TGM6: variants seen among roughly 807,000 people sequenced by gnomAD.
The protein encoded by TGM6 is protein-glutamine gamma-glutamyltransferase 6.
Under a neutral mutation model 77.5 loss-of-function variants are expected in TGM6, and 74 were observed. The ratio of observed to expected loss-of-function variants is 0.96; its 90% confidence interval spans 0.79 to 1.16. TGM6 has a LOEUF of 1.16. TGM6 is among the 50% of genes most tolerant of loss of function. The pLI is 0.00. For missense variants in TGM6, 968 were observed against 940.2 expected (o/e 1.03, Z -0.39); for synonymous variants, 383 against 378.9 (o/e 1.01, Z -0.12).
chr20:2,431,194 A>G (rs2084922095), intron 12 of TGM6, among the ~76,000 whole-genome samples, 167 bp downstream of exon 12: 1 of 152,128 alleles, frequency 6.6e-6, no homozygotes, highest in Non-Finnish European at 1.5e-5. Flanking sequence ...TCCTTCATTC[A>G]TCCAATCATT....
intron 9 of TGM6, among the ~76,000 whole-genome samples, chr20:2,411,455 A>G (rs1033658457): frequency 1.2e-3 from 139 of 116,432 alleles, no homozygotes; most frequent in African/African-American, 6.4e-3. Flanking sequence ...CCCCTTTATG[A>G]TAAAAAAAAA....
chr20:2,400,401 T>G lies in TGM6; in HGVS notation c.946T>G (p.Ser316Ala). ...QNLSVDKYVD[S>A]FGRTLEDLTE... ...CCTGAGTGTGGACAAATACGTGGAC[T>G]CCTTCGGGCGGACCCTGGAGGACCT... The change falls in exon 7 of 13, where the codon TCC (serine) becomes GCC (alanine). Residue 316 changes from serine to alanine, a missense_variant. By Grantham distance (99) the Ser-to-Ala change is moderately conservative. Transcript: ENST00000202625. The G allele has an allele frequency of 1.2e-6, 2 of 1,614,152 alleles. No homozygotes were observed. Among genetic ancestry groups the G allele is most frequent in the Non-Finnish European group, 1.7e-6 (2 of 1,180,038 alleles).
intron 1 of TGM6, among the ~76,000 whole-genome samples, chr20:2,383,138 T>C (rs1193511685): frequency 6.6e-6 from 1 of 152,178 alleles, no homozygotes; most frequent in African/African-American, 2.4e-5. Context: ...ATAAATCATT[T>C]AGTCATGGAG....
At chr20:2,399,959 T>C (rs1000665677) in intron 6 of TGM6, among the ~76,000 whole-genome samples, 3 of 152,198 alleles carry the variant, frequency 2.0e-5, no homozygotes, top group African/African-American at 7.2e-5. Flanking sequence ...CTCTCATTCA[T>C]TGAGTGCCTT....
At chr20:2,416,571 T>C (rs535797597) in intron 9 of TGM6, among the ~76,000 whole-genome samples, 8 of 152,288 alleles carry the variant, frequency 5.3e-5, no homozygotes, top group African/African-American at 1.7e-4. Context: ...AGGAAAAGGG[T>C]GGTAACTTCC....
intron 9 of TGM6, among the ~76,000 whole-genome samples, chr20:2,415,254 C>G (rs1393435907): frequency 6.6e-6 from 1 of 152,124 alleles, no homozygotes; most frequent in Non-Finnish European, 1.5e-5. Context: ...CAAGTGACCA[C>G]CAAGTGATCA....
chr20:2,405,740 C>A (rs969679951), intron 9 of TGM6, among the ~76,000 whole-genome samples: 1 of 152,158 alleles, frequency 6.6e-6, no homozygotes, highest in Non-Finnish European at 1.5e-5. Context: ...TGATTTTTGT[C>A]CCCAAGTTCT....
intron 1 of TGM6, among the ~76,000 whole-genome samples, chr20:2,392,467 C>A (rs1282387604): frequency 6.6e-6 from 1 of 152,220 alleles, no homozygotes; most frequent in African/African-American, 2.4e-5. Context: ...TATGTGGACT[C>A]ACCTACTTAG....
chr20:2,387,946 G>A (rs2084606791), intron 1 of TGM6, among the ~76,000 whole-genome samples: 1 of 152,152 alleles, frequency 6.6e-6, no homozygotes, highest in Non-Finnish European at 1.5e-5. Context: ...TCGTCTCCAG[G>A]TGAGATTCTC....
chr20:2,395,154 C>T (rs762604006), intron 2 of TGM6, 40 bp from the exon 3 acceptor site: 1 of 1,605,488 alleles, frequency 6.2e-7, no homozygotes, highest in Admixed American at 1.7e-5. Context: ...GCTGGGTTTC[C>T]CAGGGGAAGG....
rs769606752 is a variant in TGM6, at chr20:2,403,479, A to G, written c.1072A>G (p.Thr358Ala). The change falls in exon 8 of 13, where the codon ACC becomes GCC. Residue 358 changes from threonine to alanine, a missense_variant. Thr to Ala is a moderately conservative substitution (Grantham distance 58). Transcript: ENST00000202625. ...SYNGWQVLDATPQEESEGVFR... is the reference protein window; with the variant it reads ...SYNGWQVLDAAPQEESEGVFR... ...CAATGGCTGGCAGGTTCTGGATGCC[A>G]CCCCCCAGGAGGAGAGTGAAGGTAC... is the stretch of plus-strand genomic sequence containing the variant. The G allele has an allele frequency of 1.2e-6, 2 of 1,613,762 alleles. No homozygotes were observed. The highest frequency in any genetic ancestry group is 1.3e-5 in the African/African-American group (1 of 74,900).
At chr20:2,418,103 C>G (rs888722459) in intron 10 of TGM6, among the ~76,000 whole-genome samples, 1 of 152,030 alleles carries the variant, frequency 6.6e-6, no homozygotes, top group Admixed American at 6.6e-5. Context: ...ACCTCCACCT[C>G]CCGGGTTCAA....
chr20:2,431,174 A>G, intron 12 of TGM6, 147 bp downstream of exon 12: 1 of 934,628 alleles, frequency 1.1e-6, no homozygotes, highest in Non-Finnish European at 1.6e-6. Context: ...GCCTTCATTC[A>G]CTTATTTATT....
In TGM6 at chr20:2,399,693, G is replaced by A. The variant is rs2084692661; in HGVS notation, c.805G>A (p.Val269Ile). 6 of 1,613,918 alleles carry A rather than the reference G, an allele frequency of 3.7e-6. No homozygotes were observed. Among genetic ancestry groups the A allele is most frequent in the Admixed American group, 1.7e-5 (1 of 60,010 alleles). Residue 269 changes from valine (V) to isoleucine (I), a missense_variant, in exon 6 of 13, where the codon GTC (valine) becomes ATC (isoleucine). Val to Ile is a conservative substitution (Grantham distance 29). Transcript: ENST00000202625. ...QKWLKGRYKP[V>I]KYGQCWVFAG... Reference sequence around the variant, plus strand: ...GTGGCTCAAGGGCAGGTACAAGCCAGTCAAGTACGGCCAGTGCTGGGTCTT... The same window carrying A: ...GTGGCTCAAGGGCAGGTACAAGCCAATCAAGTACGGCCAGTGCTGGGTCTT...
At chr20:2,406,051 C>G (rs1878099139) in intron 9 of TGM6, among the ~76,000 whole-genome samples, 1 of 152,184 alleles carries the variant, frequency 6.6e-6, no homozygotes, top group South Asian at 2.1e-4. Context: ...AACACTGATT[C>G]TTTTAAACAC....
chr20:2,383,432 CT>C (rs2084569521), intron 1 of TGM6, among the ~76,000 whole-genome samples: 1 of 152,138 alleles, frequency 6.6e-6, no homozygotes, highest in Admixed American at 6.5e-5. Context: ...CCTTCCCTTT[CT>C]TAGGTGGAGC....
intron 9 of TGM6, among the ~76,000 whole-genome samples, chr20:2,404,507 C>T (rs544088739): frequency 6.6e-6 from 1 of 152,150 alleles, no homozygotes; most frequent in Non-Finnish European, 1.5e-5. Context: ...TAGACCCTGT[C>T]TCCTCCTGTC....
intron 7 of TGM6, among the ~76,000 whole-genome samples, chr20:2,401,173 G>C (rs76995236): frequency 1.3e-5 from 2 of 150,678 alleles, no homozygotes; most frequent in Non-Finnish European, 2.9e-5. Context: ...ATGCCACTGC[G>C]CTCCAGCCTG....
chr20:2,390,212 G>A (rs2084621451), intron 1 of TGM6, among the ~76,000 whole-genome samples: 1 of 152,158 alleles, frequency 6.6e-6, no homozygotes. Flanking sequence ...GGTGGTCTTT[G>A]GGTAGAGAGC....
Sources: gnomAD v4.1 joint callset for allele counts (sites outside exome capture counted in the v4.1 genomes callset) on GRCh38, gnomAD v4.1.1 for gene constraint, MANE v1.5 for transcripts, NCBI Gene and HGNC (gene_info 2026-07-23, HGNC 2026-07-21) for gene names.